Variants in CALN1 observed in about 807,000 individuals in gnomAD.
The protein encoded by CALN1 is calcium-binding protein 8.
Under a neutral mutation model 30.6 loss-of-function variants are expected in CALN1, and 17 were observed. That is an observed-to-expected ratio of 0.56 (90% CI 0.38 to 0.83). The LOEUF is 0.83. Ranked by LOEUF, CALN1 falls within the 40% of genes least tolerant of loss-of-function variation. CALN1 has a pLI of 0.00. For missense variants in CALN1, 291 were observed against 354.9 expected (o/e 0.82, Z 1.45); for synonymous variants, 156 against 131.4 (o/e 1.19, Z -1.28).
At chr7:72,406,563 T>TG (rs1235133229) in intron 1 of CALN1, among the ~76,000 whole-genome samples, 2 of 152,004 alleles carry the variant, frequency 1.3e-5, no homozygotes, top group African/African-American at 4.8e-5. Flanking sequence ...GCCCCAGTCT[T>TG]GAAGTTAGAT....
At chr7:71,812,926 C>CATTATTATT (rs566341266) in intron 5 of CALN1, among the ~76,000 whole-genome samples, 3,250 of 94,168 alleles carry the variant, frequency 0.035, 69 homozygotes, top group East Asian at 0.12. Context: ...TTATCATCAT[C>CATTATTATT]ATCATTATTA....
At chr7:71,836,830 T>C (rs1032902945) in intron 5 of CALN1, among the ~76,000 whole-genome samples, 15 of 151,474 alleles carry the variant, frequency 9.9e-5, no homozygotes, top group African/African-American at 2.4e-5. Flanking sequence ...GTTGGCCAGG[T>C]CGGTCTCAAA....
rs943990523 is a variant in CALN1, at chr7:72,395,333, T to TAC, written c.119+7916_119+7917dup. On this transcript the variant is annotated intron_variant, in intron 2 of 6. Transcript: ENST00000395275. Reference sequence around the variant, plus strand: ...TGGTTTCCAGGCTTTAGCAAACACATACACACACACGCTGCGCACGCGCGC... The same window carrying TAC: ...TGGTTTCCAGGCTTTAGCAAACACATACACACACACACGCTGCGCACGCGCGC... 9.1e-5 allele frequency among the ~76,000 whole-genome samples: 13 copies of TAC among 142,280 alleles called. No individual in the cohort carries two copies. In the East Asian group the frequency reaches 2.1e-3, roughly 23 times the overall value. The allele number at this position is 142,280 out of a possible 152,430, so 93.3% of individuals were successfully genotyped here.
intron 3 of CALN1, among the ~76,000 whole-genome samples, chr7:72,151,429 T>TA (rs1212674711): frequency 1.3e-5 from 2 of 152,130 alleles, no homozygotes; most frequent in African/African-American, 4.8e-5. Context: ...TTACCTCGAT[T>TA]ATCTCAGTAA....
At chr7:72,094,822 T>C (rs1252724059) in intron 4 of CALN1, among the ~76,000 whole-genome samples, 1 of 152,196 alleles carries the variant, frequency 6.6e-6, no homozygotes, top group African/African-American at 2.4e-5. Flanking sequence ...AAAGACTGTC[T>C]TCAATTCACA....
chr7:71,971,950 AAAAAAAGAAAGAAAGAAAGAAAG>A (rs1797836096), intron 5 of CALN1, among the ~76,000 whole-genome samples: 1 of 111,234 alleles, frequency 9.0e-6, no homozygotes, highest in Non-Finnish European at 1.7e-5. Context: ...AAAAAAAAAA[AAAAAAAGAAAGAAAGAAAGAAAG>A]AAAGAAAGAA....
intron 5 of CALN1, among the ~76,000 whole-genome samples, chr7:71,965,337 T>C (rs1797479389): frequency 6.6e-6 from 1 of 152,182 alleles, no homozygotes. Flanking sequence ...AGCCTCACTT[T>C]TTAAAAAGTA....
chr7:72,234,382 TCTC>T (rs1794334925), intron 3 of CALN1, among the ~76,000 whole-genome samples: 2 of 152,172 alleles, frequency 1.3e-5, no homozygotes, highest in African/African-American at 2.4e-5. Context: ...GCCTCTGACA[TCTC>T]CTGAATATTG....
rs1173568984 is a variant in CALN1 at position 71,994,670 on chromosome 7, G to A, written c.501+28987C>T. ...AAAGTTTAATAGGCGAAAGAAAGAG[G>A]AGAGCCCTCTGTACAGAGAGGGGTC... On this transcript the variant is annotated intron_variant, in intron 5 of 6. Transcript: ENST00000395275. Among the ~76,000 whole-genome samples the A allele has an allele frequency of 2.6e-5, 4 of 152,024 alleles. No homozygotes were observed. In the South Asian group the frequency reaches 6.2e-4, roughly 24 times the overall value.
At position 72,151,603 on chromosome 7, in the gene CALN1, C is replaced by T. The variant is rs150198315; in HGVS notation, c.245-45309G>A. 8.5e-5 allele frequency among the ~76,000 whole-genome samples: 13 copies of T among 152,268 alleles called. No homozygotes were observed. The East Asian group carries it at 2.1e-3, about 25-fold the overall frequency. On this transcript the variant is annotated intron_variant, in intron 3 of 6. Transcript: ENST00000395275. ...CCCACTTGGGGGACCCTTTCCAATGCGCTACCTTCTCCCACATCCTGCTCT... is the reference window on the plus strand; with the variant it reads ...CCCACTTGGGGGACCCTTTCCAATGTGCTACCTTCTCCCACATCCTGCTCT...
At chr7:72,493,691 C>T in the CALN1 span, among the ~76,000 whole-genome samples, 4 of 152,102 alleles carry the variant, frequency 2.6e-5, no homozygotes, top group African/African-American at 9.7e-5. Flanking sequence ...ATCTTGAAGC[C>T]CTTCTGAAAT....
At chr7:71,900,049 A>T (rs1428294770) in intron 5 of CALN1, among the ~76,000 whole-genome samples, 1 of 152,218 alleles carries the variant, frequency 6.6e-6, no homozygotes, top group Non-Finnish European at 1.5e-5. Context: ...GTCTACTTTA[A>T]ATTTTTTAAA....
chr7:72,084,451 C>T (rs894353586), intron 4 of CALN1, among the ~76,000 whole-genome samples: 17 of 151,214 alleles, frequency 1.1e-4, no homozygotes, highest in East Asian at 6.0e-4. Context: ...CTGCGCCTCC[C>T]GGGTTCAAGC....
chr7:71,904,937 CTTTA>C (rs1224964451), intron 5 of CALN1, among the ~76,000 whole-genome samples: 1 of 151,824 alleles, frequency 6.6e-6, no homozygotes, highest in Admixed American at 6.6e-5. Flanking sequence ...TTCTTAATTT[CTTTA>C]TTTGATTTAT....
intron 4 of CALN1, among the ~76,000 whole-genome samples, chr7:72,065,103 A>G (rs1392575596): frequency 1.4e-5 from 2 of 147,878 alleles, no homozygotes; most frequent in African/African-American, 4.9e-5. Context: ...TATATGTAAA[A>G]TATATTTATG....
chr7:72,360,006 G>A (rs1054477236), intron 2 of CALN1, among the ~76,000 whole-genome samples: 4 of 116,068 alleles, frequency 3.4e-5, no homozygotes, highest in Admixed American at 1.7e-4. Flanking sequence ...AGTTGACCTG[G>A]ATTCTGCAAA....
intron 5 of CALN1, among the ~76,000 whole-genome samples, chr7:71,875,762 C>G (rs1482884910): frequency 1.4e-5 from 2 of 147,014 alleles, no homozygotes; most frequent in African/African-American, 5.4e-5. Context: ...ATACTACACA[C>G]TAGACAGACT....
At chr7:72,310,337 A>T (rs112339501) in intron 2 of CALN1, among the ~76,000 whole-genome samples, 3 of 150,424 alleles carry the variant, frequency 2.0e-5, no homozygotes, top group African/African-American at 4.9e-5. Context: ...GATACTTATC[A>T]CAGAGGCTGA....
intron 2 of CALN1, among the ~76,000 whole-genome samples, chr7:72,342,831 T>G (rs1301940841): frequency 1.3e-5 from 2 of 152,114 alleles, no homozygotes; most frequent in East Asian, 3.9e-4. Context: ...TTCATTGCAC[T>G]CTGAATAGAA....
Sources: gnomAD v4.1 joint callset for allele counts (sites outside exome capture counted in the v4.1 genomes callset) on GRCh38, gnomAD v4.1.1 for gene constraint, MANE v1.5 for transcripts, NCBI Gene and HGNC (gene_info 2026-07-23, HGNC 2026-07-21) for gene names.